Variants in SLC44A5 observed in about 807,000 individuals in gnomAD.
SLC44A5 encodes choline transporter-like protein 5.
Under a neutral mutation model 101.8 loss-of-function variants are expected in SLC44A5, and 57 were observed. The ratio of observed to expected loss-of-function variants is 0.56; its 90% CI spans 0.45 to 0.70. The LOEUF (loss-of-function observed/expected upper bound fraction) is 0.70, where lower values mean the gene tolerates loss of function less well. Among genes scored for constraint, SLC44A5 ranks in the 30% least tolerant of loss-of-function variants. The pLI, the probability that SLC44A5 is intolerant of heterozygous loss-of-function variation, is 0.00. For synonymous variants in SLC44A5, 281 were observed against 290.9 expected (o/e 0.97, Z 0.35); for missense variants, 737 against 853.1 (o/e 0.86, Z 1.70).
Position 75,376,266 on chromosome 1 carries a change from G to A in SLC44A5, c.52+20317C>T, listed in dbSNP as rs1250638959. On this transcript the variant is annotated intron_variant, in intron 3 of 23. Transcript: ENST00000370859. Reference sequence around the variant, plus strand: ...GCGGCAGCGAGGCTGGGGGAGGGGCGCCCGCCATTGCCCAGGCTTGCCTAG... The same window carrying A: ...GCGGCAGCGAGGCTGGGGGAGGGGCACCCGCCATTGCCCAGGCTTGCCTAG... Among the ~76,000 whole-genome samples the A allele has an allele frequency of 7.2e-5, 11 of 152,134 alleles. No homozygotes were observed. In the East Asian group the frequency reaches 1.6e-3, roughly 21 times the overall value.
the SLC44A5 span, among the ~76,000 whole-genome samples, chr1:75,684,114 C>G: frequency 6.6e-6 from 1 of 152,068 alleles, no homozygotes; most frequent in African/African-American, 2.4e-5. Flanking sequence ...AAGAGAGAAG[C>G]GTAGGGGAAC....
the SLC44A5 span, among the ~76,000 whole-genome samples, chr1:75,701,093 T>C: frequency 6.6e-5 from 10 of 152,166 alleles, no homozygotes; most frequent in African/African-American, 1.7e-4. Flanking sequence ...GAGGAACTGG[T>C]ACCATTCCTT....
chr1:75,204,679 G>A (rs968372954), intron 23 of SLC44A5: 1 of 151,532 alleles, frequency 6.6e-6, no homozygotes, highest in African/African-American at 2.4e-5. Context: ...AGATAGATGG[G>A]GTTTCACCAT....
intron 5 of SLC44A5, among the ~76,000 whole-genome samples, chr1:75,293,631 C>T (rs957161866): frequency 3.3e-5 from 5 of 152,050 alleles, no homozygotes; most frequent in Admixed American, 2.6e-4. Flanking sequence ...TTGATGACAC[C>T]GCTGCTATAG....
chr1:75,687,220 C>T, the SLC44A5 span, among the ~76,000 whole-genome samples: 4 of 152,176 alleles, frequency 2.6e-5, no homozygotes, highest in African/African-American at 9.7e-5. Context: ...ATCACACACC[C>T]ACCAGCACCA....
chr1:75,586,768 G>A (rs1674025432), intron 1 of SLC44A5, among the ~76,000 whole-genome samples: 1 of 152,104 alleles, frequency 6.6e-6, no homozygotes, highest in South Asian at 2.1e-4. Context: ...AGTCCTTGAA[G>A]GCAGAAATCA....
the SLC44A5 span, among the ~76,000 whole-genome samples, chr1:75,647,718 C>T: frequency 6.6e-6 from 1 of 152,094 alleles, no homozygotes; most frequent in African/African-American, 2.4e-5. Context: ...TTTGACTGTC[C>T]CACTGGATTG....
intron 2 of SLC44A5, among the ~76,000 whole-genome samples, chr1:75,473,918 T>C (rs1667246575): frequency 6.6e-6 from 1 of 152,224 alleles, no homozygotes; most frequent in South Asian, 2.1e-4. Flanking sequence ...TCTGTGGCTC[T>C]GTAGTGTGGT....
At chr1:75,466,281 G>A (rs1666810911) in intron 2 of SLC44A5, among the ~76,000 whole-genome samples, 2 of 152,140 alleles carry the variant, frequency 1.3e-5, no homozygotes, top group Non-Finnish European at 2.9e-5. Context: ...AAACCCATAT[G>A]ATCATTTCAA....
rs536924209 is a variant in SLC44A5, at chr1:75,252,303, C to T, written c.261-1009G>A. ...AATTAATGTGACTACATGCATAGCA[C>T]AAAATGTAATGGGCTATTGAGCAAT... is the stretch of plus-strand genomic sequence containing the variant. On this transcript the variant is annotated intron_variant, in intron 6 of 23. Transcript: ENST00000370859. Among the ~76,000 whole-genome samples, 4 of 152,306 alleles carry T rather than the reference C, an allele frequency of 2.6e-5. No homozygotes were observed. In the East Asian group the frequency reaches 7.7e-4, roughly 29 times the overall value.
At position 75,271,524 on chromosome 1, in the gene SLC44A5, T is replaced by TGTGTGTGTGTGTGC. The variant is rs1553152617; in HGVS notation, c.260+3433_260+3434insGCACACACACACAC. Reference sequence around the variant, plus strand: ...GTGTGTGTGTGTGTGTGTGTGTGTGTCCTCATAGCTTAGCTCTCACTTATA... The same window carrying TGTGTGTGTGTGTGC: ...GTGTGTGTGTGTGTGTGTGTGTGTGTGTGTGTGTGTGTGCCCTCATAGCTTAGCTCTCACTTATA... On this transcript the variant is annotated intron_variant, in intron 6 of 23. Transcript: ENST00000370859. Among the ~76,000 whole-genome samples, 121 of 151,242 alleles carry TGTGTGTGTGTGTGC rather than the reference T, an allele frequency of 8.0e-4. 1 individual carries two copies. Among genetic ancestry groups the TGTGTGTGTGTGTGC allele is most frequent in the African/African-American group, 2.7e-3 (111 of 41,060 alleles).
At chr1:75,375,541 T>A (rs1660521674) in intron 3 of SLC44A5, among the ~76,000 whole-genome samples, 1 of 152,104 alleles carries the variant, frequency 6.6e-6, no homozygotes, top group Admixed American at 6.5e-5. Flanking sequence ...ATCATCAGAA[T>A]TTTCAAAGTC....
intron 4 of SLC44A5, among the ~76,000 whole-genome samples, chr1:75,304,906 C>T (rs1360633901): frequency 6.6e-6 from 1 of 152,160 alleles, no homozygotes. Context: ...ACCCTCCCTC[C>T]AAATCAAAGT....
intron 1 of SLC44A5, among the ~76,000 whole-genome samples, chr1:75,557,196 C>T (rs1246352724): frequency 6.6e-6 from 1 of 152,098 alleles, no homozygotes; most frequent in Non-Finnish European, 1.5e-5. Flanking sequence ...GTGCTATTAA[C>T]CATAATGTTA....
At chr1:75,579,466 A>G (rs1214062186) in intron 1 of SLC44A5, among the ~76,000 whole-genome samples, 1 of 152,166 alleles carries the variant, frequency 6.6e-6, no homozygotes, top group Non-Finnish European at 1.5e-5. Flanking sequence ...AAATAAATAA[A>G]CAAAATGTAA....
intron 5 of SLC44A5, among the ~76,000 whole-genome samples, chr1:75,281,636 G>GCCCCCCCCCCC (rs71081324): frequency 2.0e-5 from 1 of 49,458 alleles, no homozygotes; most frequent in African/African-American, 5.5e-5. Flanking sequence ...CTGGTGCCAG[G>GCCCCCCCCCCC]CCCCCCCCCC....
the SLC44A5 span, among the ~76,000 whole-genome samples, chr1:75,616,798 T>C: frequency 2.0e-5 from 3 of 152,116 alleles, no homozygotes; most frequent in Non-Finnish European, 4.4e-5. Flanking sequence ...CTGAAGTTCT[T>C]AATAGTGAGG....
the SLC44A5 span, among the ~76,000 whole-genome samples, chr1:75,642,370 T>C: frequency 0.22 from 33,745 of 152,038 alleles, 5,098 homozygotes; most frequent in East Asian, 0.67. Flanking sequence ...GCAATCTTTT[T>C]ACCTGCCACG....
chr1:75,233,893 C>T, intron 12 of SLC44A5, 93 bp downstream of exon 12: 1 of 953,676 alleles, frequency 1.0e-6, no homozygotes, highest in East Asian at 2.5e-5. Flanking sequence ...ATTAGATCCA[C>T]TGAAAACAAA....
Sources: allele counts gnomAD v4.1 joint callset (sites outside exome capture counted in the v4.1 genomes callset), GRCh38; gene constraint gnomAD v4.1.1; transcripts MANE v1.5; gene names NCBI Gene and HGNC (gene_info 2026-07-23, HGNC 2026-07-21).